The following PTTG1IP variants were observed in gnomAD, a reference collection of about 807,000 sequenced individuals.
The protein encoded by PTTG1IP is PTTG1 interacting protein.
PTTG1IP carries 16 observed loss-of-function variants against 24.4 expected under a neutral mutation model. That is an observed-to-expected ratio of 0.66 (90% CI 0.44 to 1.00). PTTG1IP has a LOEUF of 1.00. Ranked by LOEUF, PTTG1IP falls within the 50% of genes least tolerant of loss-of-function variation. The pLI, the probability that PTTG1IP is intolerant of heterozygous loss-of-function variation, is 0.00. For synonymous variants in PTTG1IP, 89 were observed against 96.8 expected (o/e 0.92, Z 0.47); for missense variants, 241 against 245.8 (o/e 0.98, Z 0.13).
intron 5 of PTTG1IP, among the ~76,000 whole-genome samples, chr21:44,853,017 A>G (rs931631504): frequency 2.0e-4 from 30 of 152,182 alleles, no homozygotes; most frequent in Non-Finnish European, 3.7e-4. Context: ...GTGCAAGTCA[A>G]TCAGGGCCCT....
intron 2 of PTTG1IP, chr21:44,862,049 G>C (rs115746123): frequency 0.012 from 6,940 of 576,776 alleles, 364 homozygotes; most frequent in African/African-American, 0.11. Context: ...GTGTGAGGCC[G>C]CAGTGGTGTG....
At chr21:44,863,588 G>T (rs1443252692) in intron 2 of PTTG1IP, among the ~76,000 whole-genome samples, 1 of 152,190 alleles carries the variant, frequency 6.6e-6, no homozygotes, top group East Asian at 1.9e-4. Flanking sequence ...CCTGCCCAGG[G>T]TGGTGAGGGT....
chr21:44,871,120 A>G (rs906677850), intron 1 of PTTG1IP, among the ~76,000 whole-genome samples: 5 of 152,252 alleles, frequency 3.3e-5, no homozygotes, highest in Non-Finnish European at 5.9e-5. Flanking sequence ...ATGGAGACAA[A>G]AAAATGTTCT....
chr21:44,861,346 C>A (rs2083490501), intron 2 of PTTG1IP, 75 bp from the exon 3 acceptor site: 8 of 1,248,096 alleles, frequency 6.4e-6, no homozygotes, highest in Non-Finnish European at 8.0e-6. Context: ...CTGCCCACAG[C>A]CCGCCAGTGC....
At chr21:44,860,478 G>GTC (rs2083482249) in intron 3 of PTTG1IP, among the ~76,000 whole-genome samples, 1 of 151,786 alleles carries the variant, frequency 6.6e-6, no homozygotes, top group Non-Finnish European at 1.5e-5. Flanking sequence ...AAAGAGGGCT[G>GTC]TCTACGCAAG....
Position 44,851,516 on chromosome 21 carries a change from C to CGGCTG in PTTG1IP, c.*60_*64dup, listed in dbSNP as rs1269015287. The CGGCTG allele has an allele frequency of 6.8e-6, 11 of 1,613,936 alleles. No homozygotes were observed. The Admixed American group carries it at 8.3e-5, about 12-fold the overall frequency. The stretch of plus-strand genomic sequence containing the variant: ...AGACCGCAATGGCCACGTGGTCTCC[C>CGGCTG]GGCTGGGCTGGGCTGCGGAGCGTGC... On this transcript the variant is annotated 3_prime_UTR_variant, in exon 6 of 6. Coordinates refer to ENST00000330938, the MANE Select transcript of PTTG1IP (RefSeq NM_004339.4).
intron 1 of PTTG1IP, among the ~76,000 whole-genome samples, chr21:44,872,246 T>C (rs1163484224): frequency 1.3e-5 from 2 of 152,194 alleles, no homozygotes; most frequent in Non-Finnish European, 1.5e-5. Context: ...CCTCCTTGAC[T>C]AACAAACTTC....
intron 5 of PTTG1IP, among the ~76,000 whole-genome samples, chr21:44,854,034 TTA>T (rs1348150809): frequency 6.6e-6 from 1 of 151,996 alleles, no homozygotes; most frequent in African/African-American, 2.4e-5. Flanking sequence ...CACCCAGCGT[TTA>T]CAGTCCAGGG....
intron 1 of PTTG1IP, among the ~76,000 whole-genome samples, chr21:44,872,169 C>T (rs2146476663): frequency 6.6e-6 from 1 of 152,266 alleles, no homozygotes; most frequent in South Asian, 2.1e-4. Context: ...TTTGTGGAAA[C>T]GTATTCACTG....
At chr21:44,858,865 GT>G (rs1194498310) in intron 3 of PTTG1IP, among the ~76,000 whole-genome samples, 15 of 152,214 alleles carry the variant, frequency 9.9e-5, no homozygotes, top group African/African-American at 3.6e-4. Context: ...AGGGTGACTG[GT>G]TACCCTAAAC....
intron 5 of PTTG1IP, among the ~76,000 whole-genome samples, chr21:44,854,803 C>T (rs556987823): frequency 6.6e-6 from 1 of 152,240 alleles, no homozygotes; most frequent in Non-Finnish European, 1.5e-5. Flanking sequence ...TTGGAAGGAG[C>T]GCCTGCCACA....
intron 5 of PTTG1IP, among the ~76,000 whole-genome samples, chr21:44,852,169 C>T (rs150497773): frequency 6.6e-6 from 1 of 152,194 alleles, no homozygotes; most frequent in Non-Finnish European, 1.5e-5. Context: ...CATACACACA[C>T]TCTCTCTCCC....
intron 4 of PTTG1IP, 37 bp downstream of exon 4, chr21:44,856,156 G>A (rs774286994): frequency 4.3e-6 from 7 of 1,613,530 alleles, no homozygotes; most frequent in East Asian, 2.2e-5. Context: ...GAATCCCCTC[G>A]AAGTAACCTT....
intron 1 of PTTG1IP, among the ~76,000 whole-genome samples, chr21:44,872,027 G>A (rs775889605): frequency 1.4e-4 from 22 of 152,168 alleles, no homozygotes; most frequent in Admixed American, 3.3e-4. Context: ...AGAGCAGGAG[G>A]AATCACAGTC....
In PTTG1IP at chr21:44,851,889, A is replaced by G. The variant is rs139390992; in HGVS notation, c.497-262T>C. On this transcript the variant is annotated intron_variant, in intron 5 of 5. Coordinates refer to ENST00000330938, the MANE Select transcript of PTTG1IP (RefSeq NM_004339.4). ...CTTACTTCCTGATGCTCGGCGAAGA[A>G]AAGAAATTTAAGGCAAGTATTTCTT... Among the ~76,000 whole-genome samples, 3 of 152,354 alleles carry G rather than the reference A, an allele frequency of 2.0e-5. No individual in the cohort carries two copies. The East Asian group carries it at 5.8e-4, about 29-fold the overall frequency.
intron 3 of PTTG1IP, among the ~76,000 whole-genome samples, chr21:44,860,195 C>A (rs1479034117): frequency 2.0e-5 from 3 of 152,146 alleles, no homozygotes; most frequent in Middle Eastern, 6.8e-3. Context: ...AGTGAAACCC[C>A]GTCTCTACTA....
chr21:44,862,299 C>G (rs1317811267), intron 2 of PTTG1IP, among the ~76,000 whole-genome samples: 1 of 152,208 alleles, frequency 6.6e-6, no homozygotes, highest in Non-Finnish European at 1.5e-5. Context: ...GAGGGCGGAT[C>G]ACCTGAGGTC....
chr21:44,856,991 C>T (rs1211131107), intron 3 of PTTG1IP, among the ~76,000 whole-genome samples: 4 of 152,122 alleles, frequency 2.6e-5, no homozygotes, highest in Non-Finnish European at 4.4e-5. Context: ...GGTCCCAAAC[C>T]CTGTTATGAT....
At position 44,851,256 on chromosome 21, in the gene PTTG1IP, C is replaced by T. The variant is rs1358446965; in HGVS notation, c.*325G>A. The T allele has an allele frequency of 1.4e-5, 18 of 1,289,216 alleles. No individual in the cohort carries two copies. The East Asian group carries it at 4.1e-4, about 29-fold the overall frequency. The allele number at this position is 1,289,216 out of a possible 1,614,324, so 79.9% of individuals were successfully genotyped here. A position where few individuals can be genotyped will look rare whatever the true frequency, so the allele number is the denominator to read the frequency against. On this transcript the variant is annotated 3_prime_UTR_variant, in exon 6 of 6. Transcript: ENST00000330938. ...GGGTTCTGCCCTGGGAGAATGACAG[C>T]CACAGCGCTGGGTGCCGTCAGGCGG...
Sources: allele counts gnomAD v4.1 joint callset (sites outside exome capture counted in the v4.1 genomes callset), GRCh38; gene constraint gnomAD v4.1.1; transcripts MANE v1.5; gene names NCBI Gene and HGNC (gene_info 2026-07-23, HGNC 2026-07-21).